Variants in SLC12A6 observed in about 807,000 individuals in gnomAD.
The protein encoded by SLC12A6 is K-Cl cotransporter 3.
In SLC12A6, 66 loss-of-function variants were observed where a neutral mutation model predicts 135.3. The ratio of observed to expected loss-of-function variants is 0.49; its 90% CI spans 0.40 to 0.60. The LOEUF (loss-of-function observed/expected upper bound fraction) is 0.60. Among genes scored for constraint, SLC12A6 ranks in the 20% least tolerant of loss-of-function variants. SLC12A6 has a pLI of 0.00. For missense variants in SLC12A6, 1,058 were observed against 1,452.3 expected, an observed-to-expected ratio of 0.73 and a Z score of 4.41; for synonymous variants, 513 against 508.8, an observed-to-expected ratio of 1.01 and a Z score of -0.11.
intron 2 of SLC12A6, among the ~76,000 whole-genome samples, chr15:34,308,653 C>A (rs199783606): frequency 0.087 from 7,451 of 85,746 alleles, 220 homozygotes; most frequent in African/African-American, 0.16. Flanking sequence ...AAAAAAAAAA[C>A]AAACCAGATT....
chr15:34,331,841 A>T (rs1264144078), intron 2 of SLC12A6, among the ~76,000 whole-genome samples: 3 of 152,178 alleles, frequency 2.0e-5, no homozygotes, highest in Non-Finnish European at 4.4e-5. Flanking sequence ...ACTTATCTAA[A>T]TTACTTTTAT....
intron 2 of SLC12A6, among the ~76,000 whole-genome samples, chr15:34,305,862 A>G (rs547113048): frequency 6.7e-6 from 1 of 149,766 alleles, no homozygotes; most frequent in South Asian, 2.1e-4. Context: ...GGTTCAAGTG[A>G]TTCTCCTGCT....
Position 34,310,957 on chromosome 15 carries a change from CAATT to C in SLC12A6, c.271+25449_271+25452del, listed in dbSNP as rs1247537313. On this transcript the variant is annotated intron_variant, in intron 2 of 25. Coordinates refer to ENST00000354181, the MANE Select transcript of SLC12A6 (RefSeq NM_001365088.1). The stretch of plus-strand genomic sequence containing the variant: ...TTAGAACATAAGCTTTCATGGGTAA[CAATT>C]ATTTAGTTAATAGTCTAACATCCTG... Among the ~76,000 whole-genome samples, 3 of 152,158 alleles carry C rather than the reference CAATT, an allele frequency of 2.0e-5. No individual in the cohort carries two copies. The East Asian group carries it at 5.8e-4, about 29-fold the overall frequency.
At chr15:34,301,340 T>C (rs1463346430) in intron 2 of SLC12A6, among the ~76,000 whole-genome samples, 1 of 151,990 alleles carries the variant, frequency 6.6e-6, no homozygotes, top group Non-Finnish European at 1.5e-5. Context: ...AGGCTGATGA[T>C]GGAAACAAAG....
intron 2 of SLC12A6, among the ~76,000 whole-genome samples, chr15:34,335,900 C>G (rs118068248): frequency 6.6e-6 from 1 of 152,182 alleles, no homozygotes; most frequent in Admixed American, 6.5e-5. Context: ...CTACTTGTGT[C>G]AAGGTCTCCA....
At position 34,235,161 on chromosome 15, in the gene SLC12A6, C is replaced by T; in HGVS notation, c.3361+20G>A. ...TAAGGAGATTTTCCCTACTGGAAGC[C>T]CCACTCTTGGAAAGGATACAGTTTT... On this transcript the variant is annotated intron_variant, in intron 25 of 25. Transcript: ENST00000354181. 1 of 1,611,734 alleles carries T rather than the reference C, an allele frequency of 6.2e-7. No individual in the cohort carries two copies. The highest frequency in any genetic ancestry group is 8.5e-7 in the Non-Finnish European group (1 of 1,177,874).
At chr15:34,314,205 C>T (rs535978990) in intron 2 of SLC12A6, among the ~76,000 whole-genome samples, 9 of 152,076 alleles carry the variant, frequency 5.9e-5, no homozygotes, top group African/African-American at 1.4e-4. Flanking sequence ...TATGCCACCA[C>T]GCCCAGTTAA....
chr15:34,246,848 G>A (rs563861024), intron 13 of SLC12A6, among the ~76,000 whole-genome samples: 1 of 151,958 alleles, frequency 6.6e-6, no homozygotes, highest in Non-Finnish European at 1.5e-5. Flanking sequence ...ACAGGATCTC[G>A]CCTTGTTGCC....
chr15:34,257,550 A>G, intron 6 of SLC12A6, 92 bp downstream of exon 6: 1 of 934,802 alleles, frequency 1.1e-6, no homozygotes, highest in Non-Finnish European at 1.8e-6. Flanking sequence ...TTCCCTAAGT[A>G]TTCTTTGTTT....
intron 10 of SLC12A6, among the ~76,000 whole-genome samples, chr15:34,251,568 C>T (rs1892397937): frequency 6.6e-6 from 1 of 152,122 alleles, no homozygotes; most frequent in Admixed American, 6.5e-5. Flanking sequence ...TCTTTCTTAT[C>T]TAATTTAAAT....
intron 2 of SLC12A6, among the ~76,000 whole-genome samples, chr15:34,334,795 T>A (rs896008648): frequency 6.6e-6 from 1 of 152,176 alleles, no homozygotes; most frequent in African/African-American, 2.4e-5. Flanking sequence ...TTTACCCCTG[T>A]AGTCCCATTT....
rs189941181 is a variant in SLC12A6 at position 34,335,204 on chromosome 15, A to G, written c.271+1206T>C. Reference sequence around the variant, plus strand: ...AATTTGTCAAAAAGTTGAAAACAGTAAAGTCTGAGAACCAACCTATGTCTC... The same window carrying G: ...AATTTGTCAAAAAGTTGAAAACAGTGAAGTCTGAGAACCAACCTATGTCTC... On this transcript the variant is annotated intron_variant, in intron 2 of 25. Coordinates refer to ENST00000354181, the MANE Select transcript of SLC12A6 (RefSeq NM_001365088.1). 1.1e-4 allele frequency among the ~76,000 whole-genome samples: 16 copies of G among 152,368 alleles called. No individual in the cohort carries two copies. The East Asian group carries it at 2.9e-3, about 28-fold the overall frequency.
chr15:34,318,816 A>C, intron 2 of SLC12A6: 1 of 1,533,266 alleles, frequency 6.5e-7, no homozygotes, highest in Non-Finnish European at 8.8e-7. Context: ...TTCGGGAAGT[A>C]CTTTAAGCTC....
In SLC12A6 at chr15:34,242,158, A is replaced by G. The variant is rs145775351; in HGVS notation, c.2106T>C (p.Tyr702=). ...LALMFISSWY[Y]AIVAMVIAGM... ...CAGCTATTACCATGGCTACAATGGC[A>G]TAATACCAGGAAGAAATGAACATCA... is the stretch of plus-strand genomic sequence containing the variant. Residue 702 remains tyrosine (Y), a synonymous_variant, in exon 17 of 26, where the codon TAT becomes TAC. Transcript: ENST00000354181. The G allele has an allele frequency of 5.2e-4, 827 of 1,588,380 alleles. 8 individuals carry two copies. The East Asian group carries it at 0.014, about 27-fold the overall frequency.
chr15:34,301,819 GGGT>G (rs1566853158), intron 2 of SLC12A6, among the ~76,000 whole-genome samples: 1 of 152,110 alleles, frequency 6.6e-6, no homozygotes, highest in Admixed American at 6.6e-5. Context: ...CACTAATACT[GGGT>G]ACTCATCAAC....
chr15:34,308,913 C>G (rs1365357212), intron 2 of SLC12A6, among the ~76,000 whole-genome samples: 1 of 152,128 alleles, frequency 6.6e-6, no homozygotes, highest in Non-Finnish European at 1.5e-5. Flanking sequence ...AAAGTAGAAA[C>G]AGCGTGGTGT....
chr15:34,233,770 G>C lies in SLC12A6; in HGVS notation c.*111C>G, dbSNP rs998431162. The C allele has an allele frequency of 2.7e-6, 2 of 728,678 alleles. No individual in the cohort carries two copies. Among genetic ancestry groups the C allele is most frequent in the East Asian group, 5.2e-5 (2 of 38,434 alleles). The allele number at this position is 728,678 out of a possible 1,614,324, so 45.1% of individuals were successfully genotyped here. On this transcript the variant is annotated 3_prime_UTR_variant, in exon 26 of 26. Transcript: ENST00000354181. ...GCTCATCAAGAGTTCAGTATGATGT[G>C]TACAGAACACAGGCTTCTAGTTGAG...
chr15:34,273,596 C>T (rs1014089358), intron 3 of SLC12A6, among the ~76,000 whole-genome samples: 1 of 152,122 alleles, frequency 6.6e-6, no homozygotes, highest in African/African-American at 2.4e-5. Flanking sequence ...AAAGGAGTAT[C>T]CCAGTTTCTT....
intron 22 of SLC12A6, 134 bp downstream of exon 22, chr15:34,237,285 T>TG: frequency 1.4e-5 from 9 of 625,044 alleles, no homozygotes; most frequent in East Asian, 3.2e-5. Flanking sequence ...GGGTTTTTTT[T>TG]TGTTTTTTTT....
Sources: gnomAD v4.1 joint callset for allele counts (sites outside exome capture counted in the v4.1 genomes callset) on GRCh38, gnomAD v4.1.1 for gene constraint, MANE v1.5 for transcripts, NCBI Gene and HGNC (gene_info 2026-07-23, HGNC 2026-07-21) for gene names.